The following ADGRA3 variants were observed in gnomAD, a reference collection of about 807,000 sequenced individuals.
The protein encoded by ADGRA3 is G-protein coupled receptor 125.
In ADGRA3, 56 loss-of-function variants were observed where a neutral mutation model predicts 119.8. The observed-to-expected ratio is 0.47, with a 90% confidence interval of 0.38 to 0.58. The LOEUF (loss-of-function observed/expected upper bound fraction) is 0.58, where lower values mean the gene tolerates loss of function less well. Ranked by LOEUF, ADGRA3 falls within the 20% of genes least tolerant of loss-of-function variation. ADGRA3 has a pLI of 0.00. For synonymous variants in ADGRA3, 607 were observed against 623.8 expected (o/e 0.97, Z 0.40); for missense variants, 1,516 against 1,649.0 (o/e 0.92, Z 1.40).
At chr4:22,397,220 T>C (rs1401402573) in intron 16 of ADGRA3, among the ~76,000 whole-genome samples, 1 of 138,598 alleles carries the variant, frequency 7.2e-6, no homozygotes, top group East Asian at 2.3e-4. Flanking sequence ...TCTCGCTCTG[T>C]CATCAGGCAG....
At chr4:22,487,854 A>G (rs939290489) in intron 1 of ADGRA3, among the ~76,000 whole-genome samples, 21 of 152,208 alleles carry the variant, frequency 1.4e-4, no homozygotes, top group Admixed American at 2.0e-4. Flanking sequence ...TGATAACACT[A>G]CAATGGCCCG....
chr4:22,478,883 G>A (rs1431795249), intron 1 of ADGRA3, among the ~76,000 whole-genome samples: 1 of 152,104 alleles, frequency 6.6e-6, no homozygotes, highest in Admixed American at 6.5e-5. Context: ...GAGCAAATAG[G>A]AAATTTGAAA....
intron 10 of ADGRA3, among the ~76,000 whole-genome samples, chr4:22,433,194 T>C (rs1046166052): frequency 6.6e-6 from 1 of 152,236 alleles, no homozygotes. Context: ...CATCACTTGC[T>C]TCCGAAGATA....
intron 1 of ADGRA3, among the ~76,000 whole-genome samples, chr4:22,504,865 A>G (rs1251581488): frequency 6.6e-6 from 1 of 152,072 alleles, no homozygotes; most frequent in Non-Finnish European, 1.5e-5. Flanking sequence ...AAAAATACCA[A>G]TGTCCAGGCC....
intron 4 of ADGRA3, 54 bp downstream of exon 4, chr4:22,454,812 G>A (rs1389957728): frequency 1.1e-5 from 14 of 1,271,416 alleles, no homozygotes; most frequent in African/African-American, 2.9e-5. Flanking sequence ...ACATATTTAG[G>A]TACTGGCTCA....
chr4:22,443,957 C>G (rs1716729294), intron 6 of ADGRA3, among the ~76,000 whole-genome samples: 4 of 152,100 alleles, frequency 2.6e-5, no homozygotes, highest in Admixed American at 2.6e-4. Context: ...AAAGACTAAA[C>G]TGGGACCTCC....
chr4:22,403,664 T>G (rs1005726694), intron 14 of ADGRA3, among the ~76,000 whole-genome samples: 1 of 151,936 alleles, frequency 6.6e-6, no homozygotes, highest in Non-Finnish European at 1.5e-5. Context: ...ATCACTTGAG[T>G]CCAGGAGGTC....
chr4:22,437,632 A>C (rs1346652139), intron 8 of ADGRA3, among the ~76,000 whole-genome samples: 3 of 152,198 alleles, frequency 2.0e-5, no homozygotes, highest in Admixed American at 6.5e-5. Flanking sequence ...TCTCTTGCAA[A>C]TCCTAAACTT....
chr4:22,421,622 A>G (rs1430798357), intron 11 of ADGRA3, among the ~76,000 whole-genome samples: 1 of 152,192 alleles, frequency 6.6e-6, no homozygotes, highest in Non-Finnish European at 1.5e-5. Flanking sequence ...CTGTTTCTTC[A>G]GAAAAGGAAG....
rs1478070733 is a variant in ADGRA3 at position 22,387,971 on chromosome 4, G to A, written c.3700C>T (p.Pro1234Ser). 2 of 1,614,020 alleles carry A rather than the reference G, an allele frequency of 1.2e-6. No individual in the cohort carries two copies. The highest frequency in any genetic ancestry group is 3.3e-5 in the Admixed American group (2 of 59,998). ...GCATCGCTGCTGTCTTGCTGGGGTGGGTTGTACTGTCTCTCTCTGTAGGCT... is the reference window on the plus strand; with the variant it reads ...GCATCGCTGCTGTCTTGCTGGGGTGAGTTGTACTGTCTCTCTCTGTAGGCT... ...YLAYRERQYN[P>S]PQQDSSDACS... The change falls in exon 19 of 19, where the codon CCA (proline) becomes TCA (serine). Residue 1234 changes from proline to serine, a missense_variant. Coordinates refer to ENST00000334304, the MANE Select transcript of ADGRA3 (RefSeq NM_145290.4).
At chr4:22,463,385 C>T (rs1379517709) in intron 2 of ADGRA3, among the ~76,000 whole-genome samples, 1 of 152,180 alleles carries the variant, frequency 6.6e-6, no homozygotes, top group Non-Finnish European at 1.5e-5. Context: ...CGCCACCTGT[C>T]AGCACAACAC....
intron 10 of ADGRA3, among the ~76,000 whole-genome samples, chr4:22,431,448 C>A (rs10938898): frequency 0.67 from 101,291 of 152,084 alleles, 34,524 homozygotes; most frequent in Non-Finnish European, 0.74. Flanking sequence ...ATCAGTGTGA[C>A]CTGGATGTGA....
intron 9 of ADGRA3, among the ~76,000 whole-genome samples, chr4:22,435,851 C>T (rs992187984): frequency 6.6e-6 from 1 of 152,122 alleles, no homozygotes; most frequent in Non-Finnish European, 1.5e-5. Context: ...CACAAGAGTA[C>T]GAACTACTTA....
intron 1 of ADGRA3, among the ~76,000 whole-genome samples, chr4:22,485,266 G>T (rs1282772064): frequency 8.7e-6 from 1 of 114,988 alleles, no homozygotes; most frequent in Non-Finnish European, 2.1e-5. Flanking sequence ...TGTTGGCCAG[G>T]CTGGTCTCGA....
chr4:22,498,078 A>C (rs1718906212), intron 1 of ADGRA3, among the ~76,000 whole-genome samples: 1 of 150,610 alleles, frequency 6.6e-6, no homozygotes, highest in African/African-American at 2.4e-5. Flanking sequence ...CATCTCTACT[A>C]AAAAATACAA....
intron 4 of ADGRA3, among the ~76,000 whole-genome samples, chr4:22,454,071 G>A (rs573197489): frequency 6.6e-6 from 1 of 152,184 alleles, no homozygotes; most frequent in East Asian, 1.9e-4. Context: ...ATGTTAGCCA[G>A]GCTGGTCTCA....
chr4:22,441,825 T>C (rs1377586478), intron 7 of ADGRA3, among the ~76,000 whole-genome samples: 2 of 152,170 alleles, frequency 1.3e-5, no homozygotes, highest in South Asian at 2.1e-4. Flanking sequence ...CTAGTAGACA[T>C]GAAATCTCAA....
intron 15 of ADGRA3, 32 bp downstream of exon 15, chr4:22,402,643 G>A (rs368721775): frequency 2.3e-5 from 37 of 1,598,190 alleles, no homozygotes; most frequent in South Asian, 6.8e-5. Context: ...ATCAAAGTCC[G>A]CAGATCTATT....
intron 10 of ADGRA3, among the ~76,000 whole-genome samples, chr4:22,429,538 C>T (rs368417420): frequency 5.9e-5 from 9 of 152,134 alleles, no homozygotes; most frequent in East Asian, 1.9e-4. Flanking sequence ...AAGCTAGAAA[C>T]TCAAAGGACA....
Sources: gnomAD v4.1 joint callset for allele counts (sites outside exome capture counted in the v4.1 genomes callset) on GRCh38, gnomAD v4.1.1 for gene constraint, MANE v1.5 for transcripts, NCBI Gene and HGNC (gene_info 2026-07-23, HGNC 2026-07-21) for gene names.